SNX30: variants seen among roughly 807,000 people sequenced by gnomAD.
The protein encoded by SNX30 is sorting nexin family member 30, also known as sorting nexin-30.
A neutral mutation model predicts 46.4 loss-of-function variants in SNX30; 24 were observed. That is an observed-to-expected ratio of 0.52 (90% confidence interval 0.37 to 0.73). SNX30 has a LOEUF of 0.73. Among genes scored for constraint, SNX30 ranks in the 30% least tolerant of loss-of-function variants. The pLI is 0.00. For synonymous variants in SNX30, 189 were observed against 211.5 expected (o/e 0.89, Z 0.92); for missense variants, 533 against 555.7 (o/e 0.96, Z 0.41).
intron 8 of SNX30, among the ~76,000 whole-genome samples, chr9:112,865,935 A>G (rs568685389): frequency 4.5e-4 from 69 of 151,816 alleles, no homozygotes; most frequent in African/African-American, 1.6e-3. Context: ...ACTATGTCAA[A>G]TGTCTCTGTT....
chr9:112,768,145 C>G (rs1839576413), intron 1 of SNX30, among the ~76,000 whole-genome samples: 1 of 152,206 alleles, frequency 6.6e-6, no homozygotes, highest in African/African-American at 2.4e-5. Context: ...TTAGCCTGGC[C>G]TTCTGTGATC....
intron 2 of SNX30, among the ~76,000 whole-genome samples, chr9:112,811,293 A>G (rs2131411970): frequency 6.6e-6 from 1 of 152,268 alleles, no homozygotes; most frequent in South Asian, 2.1e-4. Context: ...GTTGCCTAGA[A>G]TTCTTAAGAC....
chr9:112,816,272 G>A (rs370313143), intron 2 of SNX30, among the ~76,000 whole-genome samples: 9 of 152,308 alleles, frequency 5.9e-5, no homozygotes, highest in Admixed American at 2.6e-4. Flanking sequence ...GGTGGTGTGG[G>A]GATGGGAGTA....
At chr9:112,879,778 T>C (rs754310496), downstream of SNX30, 1 of 1,612,628 alleles carries the variant, frequency 6.2e-7, no homozygotes, top group East Asian at 2.2e-5. Context: ...CTCTATGATG[T>C]CTCCATATGG....
chr9:112,794,665 T>G (rs553600379), intron 1 of SNX30, among the ~76,000 whole-genome samples: 1 of 152,344 alleles, frequency 6.6e-6, no homozygotes, highest in African/African-American at 2.4e-5. Flanking sequence ...TAGCATAACT[T>G]ATTTTTATTA....
intron 8 of SNX30, among the ~76,000 whole-genome samples, chr9:112,865,661 A>AAAATGTGTG (rs1554757350): frequency 9.5e-6 from 1 of 105,702 alleles, no homozygotes; most frequent in African/African-American, 3.8e-5. Context: ...ATATATATAT[A>AAAATGTGTG]TGTATGTATG....
intron 2 of SNX30, among the ~76,000 whole-genome samples, chr9:112,816,789 T>A (rs1454027805): frequency 6.6e-6 from 1 of 152,226 alleles, no homozygotes; most frequent in Non-Finnish European, 1.5e-5. Context: ...TCTTGTACTT[T>A]AATTTCTGAG....
chr9:112,791,445 C>T (rs1840020553), intron 1 of SNX30, among the ~76,000 whole-genome samples: 1 of 103,440 alleles, frequency 9.7e-6, no homozygotes. Context: ...GAGCCTTGCT[C>T]TGTCGCCAGG....
intron 2 of SNX30, among the ~76,000 whole-genome samples, chr9:112,806,852 G>A (rs913626577): frequency 1.3e-5 from 2 of 152,128 alleles, no homozygotes; most frequent in South Asian, 4.2e-4. Context: ...ATATGATTTA[G>A]ATTTCAGTGT....
At chr9:112,851,955 CATCCCTTTAA>C (rs954750444) in intron 7 of SNX30, among the ~76,000 whole-genome samples, 2 of 152,196 alleles carry the variant, frequency 1.3e-5, no homozygotes, top group African/African-American at 4.8e-5. Flanking sequence ...CATCCTATGT[CATCCCTTTAA>C]ATCCCTTTGT....
intron 3 of SNX30, among the ~76,000 whole-genome samples, chr9:112,829,470 C>T (rs1429446112): frequency 5.9e-5 from 9 of 152,086 alleles, no homozygotes; most frequent in African/African-American, 1.4e-4. Flanking sequence ...TTGGTAGAGA[C>T]GTGGTTTCAC....
chr9:112,776,511 T>C (rs1839750332), intron 1 of SNX30, among the ~76,000 whole-genome samples: 2 of 152,232 alleles, frequency 1.3e-5, no homozygotes, highest in Non-Finnish European at 2.9e-5. Flanking sequence ...AGTCTGCAGA[T>C]GTGCGGATCT....
chr9:112,819,298 C>T (rs1840455598), intron 3 of SNX30, among the ~76,000 whole-genome samples: 1 of 96,478 alleles, frequency 1.0e-5, no homozygotes. Flanking sequence ...ATGAAGTTTA[C>T]CTCTGTCACC....
At chr9:112,823,797 C>A (rs1840541249) in intron 3 of SNX30, among the ~76,000 whole-genome samples, 1 of 151,818 alleles carries the variant, frequency 6.6e-6, no homozygotes, top group African/African-American at 2.4e-5. Context: ...TAAAAATATA[C>A]CTGCGTTTAG....
At chr9:112,861,355 C>G (rs2131500887) in intron 7 of SNX30, among the ~76,000 whole-genome samples, 1 of 152,308 alleles carries the variant, frequency 6.6e-6, no homozygotes, top group Non-Finnish European at 1.5e-5. Context: ...CTCCCCCTTC[C>G]TAATTAGGAC....
In SNX30 at chr9:112,873,677, G is replaced by A. The variant is rs981957283; in HGVS notation, c.*4834G>A. The A allele has an allele frequency of 6.6e-6, 1 of 151,542 alleles. No homozygotes were observed. The highest frequency in any genetic ancestry group is 1.5e-5 in the Non-Finnish European group (1 of 67,942). 9.4% of individuals were successfully genotyped at this position (151,542 alleles called of 1,614,324 possible). On this transcript the variant is annotated 3_prime_UTR_variant, in exon 9 of 9. Coordinates refer to ENST00000374232, the MANE Select transcript of SNX30 (RefSeq NM_001012994.2). Reference sequence around the variant, plus strand: ...AAGTGTGAAAGATTAGTGCCTTTTGGCATACTTTTGATTTTAGAGGATATA... The same window carrying A: ...AAGTGTGAAAGATTAGTGCCTTTTGACATACTTTTGATTTTAGAGGATATA...
At chr9:112,843,349 G>A (rs991121174) in intron 6 of SNX30, among the ~76,000 whole-genome samples, 2 of 152,100 alleles carry the variant, frequency 1.3e-5, no homozygotes, top group Non-Finnish European at 2.9e-5. Flanking sequence ...TGAATGACTG[G>A]GGTGGGGTGA....
At chr9:112,797,225 C>T (rs1279414255) in intron 1 of SNX30, among the ~76,000 whole-genome samples, 1 of 152,218 alleles carries the variant, frequency 6.6e-6, no homozygotes, top group African/African-American at 2.4e-5. Context: ...TCATTGGCTT[C>T]TTACCAAGAC....
At chr9:112,816,254 C>A (rs1476076864) in intron 2 of SNX30, among the ~76,000 whole-genome samples, 3 of 152,206 alleles carry the variant, frequency 2.0e-5, no homozygotes, top group African/African-American at 7.2e-5. Flanking sequence ...TCCTACTCCG[C>A]CTGTGCGGGT....
Sources: allele counts gnomAD v4.1 joint callset (sites outside exome capture counted in the v4.1 genomes callset), GRCh38; gene constraint gnomAD v4.1.1; transcripts MANE v1.5; gene names NCBI Gene and HGNC (gene_info 2026-07-23, HGNC 2026-07-21).